The following TMCO5A variants were observed in gnomAD, a reference collection of about 807,000 sequenced individuals.
TMCO5A encodes transmembrane and coiled-coil domain-containing protein 5A.
Under a neutral mutation model 42.3 loss-of-function variants are expected in TMCO5A, and 34 were observed. The ratio of observed to expected loss-of-function variants is 0.80; its 90% CI spans 0.61 to 1.07. TMCO5A has a LOEUF of 1.07. TMCO5A is among the 50% of genes least tolerant of loss of function. The pLI is 0.00. For missense variants in TMCO5A, 357 were observed against 327.9 expected (o/e 1.09, Z -0.69); for synonymous variants, 131 against 115.6 (o/e 1.13, Z -0.86).
At chr15:38,008,199 T>G in the TMCO5A span, among the ~76,000 whole-genome samples, 8 of 151,966 alleles carry the variant, frequency 5.3e-5, no homozygotes, top group African/African-American at 1.9e-4. Context: ...CCAGCCAAAC[T>G]CACCCACACT....
the TMCO5A span, chr15:38,025,095 GT>G: frequency 6.6e-6 from 1 of 152,394 alleles, no homozygotes; most frequent in Non-Finnish European, 1.5e-5. Context: ...CCTGGCAAGG[GT>G]GTAAATTTAG....
At chr15:37,939,118 T>C (rs192496639) in intron 6 of TMCO5A, among the ~76,000 whole-genome samples, 27 of 152,282 alleles carry the variant, frequency 1.8e-4, no homozygotes, top group African/African-American at 5.5e-4. Flanking sequence ...TCATTTGATT[T>C]TTTTGACACC....
chr15:38,016,509 C>G, the TMCO5A span, among the ~76,000 whole-genome samples: 2 of 152,062 alleles, frequency 1.3e-5, no homozygotes, highest in Non-Finnish European at 2.9e-5. Context: ...TGATTTGGTG[C>G]AAGACTAAAT....
downstream of TMCO5A, among the ~76,000 whole-genome samples, chr15:37,955,929 G>T (rs1890277783): frequency 1.3e-5 from 2 of 152,072 alleles, no homozygotes; most frequent in Admixed American, 1.3e-4. Context: ...TTAGAACTCA[G>T]GATTAAGAAA....
At chr15:38,004,366 G>A in the TMCO5A span, among the ~76,000 whole-genome samples, 1 of 152,058 alleles carries the variant, frequency 6.6e-6, no homozygotes, top group Non-Finnish European at 1.5e-5. Context: ...GGGGTTGGAG[G>A]AGAGGTGACC....
the TMCO5A span, among the ~76,000 whole-genome samples, chr15:38,034,674 C>A: frequency 2.8e-4 from 43 of 152,180 alleles, no homozygotes; most frequent in South Asian, 6.2e-4. Context: ...CACATGCTAC[C>A]AACTCCCAAA....
chr15:38,022,679 A>G, the TMCO5A span, among the ~76,000 whole-genome samples: 1 of 152,178 alleles, frequency 6.6e-6, no homozygotes, highest in African/African-American at 2.4e-5. Context: ...TGATGTGTCA[A>G]TGTAGTTCAT....
At chr15:37,978,126 G>A in the TMCO5A span, among the ~76,000 whole-genome samples, 13 of 152,344 alleles carry the variant, frequency 8.5e-5, no homozygotes, top group South Asian at 4.1e-4. Flanking sequence ...GAACGGGAAC[G>A]TTAAGCCAAG....
the TMCO5A span, among the ~76,000 whole-genome samples, chr15:38,038,658 G>A: frequency 2.0e-5 from 3 of 151,996 alleles, no homozygotes; most frequent in Admixed American, 6.6e-5. Flanking sequence ...TGCCCACCTC[G>A]GCCTCCCAAA....
the TMCO5A span, among the ~76,000 whole-genome samples, chr15:38,002,352 A>G: frequency 6.6e-6 from 1 of 151,584 alleles, no homozygotes; most frequent in Non-Finnish European, 1.5e-5. Context: ...ACCTTCTTGT[A>G]CTTAAATATT....
chr15:38,027,986 T>A, the TMCO5A span, among the ~76,000 whole-genome samples: 1 of 152,208 alleles, frequency 6.6e-6, no homozygotes, highest in Non-Finnish European at 1.5e-5. Flanking sequence ...CTTGGGTATG[T>A]CTTTATTAGC....
the TMCO5A span, among the ~76,000 whole-genome samples, chr15:38,035,135 C>A: frequency 6.6e-6 from 1 of 152,166 alleles, no homozygotes; most frequent in Admixed American, 6.6e-5. Context: ...GAGGATGGGT[C>A]ATGGGTCTGA....
chr15:37,986,405 GTGTGTGT>G, the TMCO5A span, among the ~76,000 whole-genome samples: 3 of 151,046 alleles, frequency 2.0e-5, no homozygotes, highest in African/African-American at 7.3e-5. Flanking sequence ...GTGTGTGTGT[GTGTGTGT>G]GTGTGTGTGT....
chr15:37,957,732 A>T (rs1164861860), intron 11 of TMCO5A, among the ~76,000 whole-genome samples: 1 of 152,202 alleles, frequency 6.6e-6, no homozygotes, highest in Non-Finnish European at 1.5e-5. Flanking sequence ...AAGAATCAGA[A>T]AAAACTACTT....
chr15:37,980,926 CTT>C, the TMCO5A span, among the ~76,000 whole-genome samples: 1 of 152,098 alleles, frequency 6.6e-6, no homozygotes, highest in African/African-American at 2.4e-5. Flanking sequence ...TTTAAGAAAA[CTT>C]TTTTTAAAAT....
chr15:37,998,838 A>C, the TMCO5A span, among the ~76,000 whole-genome samples: 1 of 152,142 alleles, frequency 6.6e-6, no homozygotes, highest in Non-Finnish European at 1.5e-5. Flanking sequence ...AACACGAAAT[A>C]ACTTTCCATT....
chr15:37,962,646 C>A (rs550246711), intron 11 of TMCO5A, among the ~76,000 whole-genome samples: 1 of 152,044 alleles, frequency 6.6e-6, no homozygotes, highest in East Asian at 1.9e-4. Context: ...TTGTAGAATT[C>A]TTCTGTGAAT....
the TMCO5A span, among the ~76,000 whole-genome samples, chr15:37,994,202 A>G: frequency 1.3e-5 from 2 of 152,222 alleles, no homozygotes; most frequent in Non-Finnish European, 2.9e-5. Context: ...GGAGAAGTCT[A>G]CAGTGAAAGC....
chr15:37,978,616 A>G, the TMCO5A span, among the ~76,000 whole-genome samples: 31,205 of 152,090 alleles, frequency 0.21, 6,664 homozygotes, highest in African/African-American at 0.55. Flanking sequence ...GCCACAATGC[A>G]AGAGAGCCTG....
Sources: gnomAD v4.1 joint callset for allele counts (sites outside exome capture counted in the v4.1 genomes callset) on GRCh38, gnomAD v4.1.1 for gene constraint, MANE v1.5 for transcripts, NCBI Gene and HGNC (gene_info 2026-07-23, HGNC 2026-07-21) for gene names.